OSBPL9: variants seen among roughly 807,000 people sequenced by gnomAD.
OSBPL9 encodes the protein oxysterol binding protein like 9.
A neutral mutation model predicts 106.6 loss-of-function variants in OSBPL9; 40 were observed. The observed-to-expected ratio is 0.38, with a 90% CI of 0.29 to 0.49. The LOEUF is 0.49. Ranked by LOEUF, OSBPL9 falls within the 20% of genes least tolerant of loss-of-function variation. The probability of loss-of-function intolerance (pLI) is 0.97; values close to 1 mark genes in which losing one functional copy is unlikely to be tolerated. For synonymous variants in OSBPL9, 269 were observed against 295.4 expected (o/e 0.91, Z 0.92); for missense variants, 609 against 887.2 (o/e 0.69, Z 3.98).
chr1:51,714,483 G>A (rs945835762), intron 4 of OSBPL9, among the ~76,000 whole-genome samples: 1 of 152,186 alleles, frequency 6.6e-6, no homozygotes, highest in African/African-American at 2.4e-5. Flanking sequence ...GTATGTGTCA[G>A]TTAGTACTCT....
chr1:51,758,228 C>T (rs1400482470), intron 9 of OSBPL9, among the ~76,000 whole-genome samples: 3 of 152,054 alleles, frequency 2.0e-5, no homozygotes, highest in Non-Finnish European at 4.4e-5. Context: ...ATGCATGAAT[C>T]GGATCAGCCT....
intron 2 of OSBPL9, among the ~76,000 whole-genome samples, chr1:51,663,528 T>C (rs1019503682): frequency 1.3e-5 from 2 of 152,226 alleles, no homozygotes; most frequent in Admixed American, 1.3e-4. Flanking sequence ...CTCCACCTGA[T>C]ATCCAAATGT....
Position 51,729,650 on chromosome 1 carries a change from G to A in OSBPL9, c.318+15571G>A, listed in dbSNP as rs893093557. Reference sequence around the variant, plus strand: ...CCTCCCGCGAGCTGCCAGCTCCCTCGGCCTCTCCACCCAAAACTGGCCCAA... The same window carrying A: ...CCTCCCGCGAGCTGCCAGCTCCCTCAGCCTCTCCACCCAAAACTGGCCCAA... On this transcript the variant is annotated intron_variant, in intron 4 of 23. Coordinates refer to ENST00000428468, the MANE Select transcript of OSBPL9 (RefSeq NM_024586.6). This position sits in a 1 kb window ranked among gnomAD's most constrained non-coding sequence, Gnocchi z 5.1. 8 of 319,958 alleles carry A rather than the reference G, an allele frequency of 2.5e-5. No homozygotes were observed. Among genetic ancestry groups the A allele is most frequent in the Admixed American group, 5.3e-5 (1 of 18,756 alleles). The allele number at this position is 319,958 out of a possible 1,614,324, so 19.8% of individuals were successfully genotyped here.
At chr1:51,664,677 G>A (rs1025078502) in intron 2 of OSBPL9, among the ~76,000 whole-genome samples, 1 of 152,046 alleles carries the variant, frequency 6.6e-6, no homozygotes, top group Admixed American at 6.6e-5. Flanking sequence ...TGGCAACAGA[G>A]TAAGACTCTG....
At chr1:51,748,338 T>G in intron 6 of OSBPL9, 31 bp from the exon 7 acceptor site, 4 of 1,513,898 alleles carry the variant, frequency 2.6e-6, no homozygotes, top group Non-Finnish European at 3.5e-6. Flanking sequence ...TGCTTCTGAT[T>G]ATTTCTGTTT....
chr1:51,745,351 A>T, intron 4 of OSBPL9, 185 bp from the exon 5 acceptor site: 1 of 760,950 alleles, frequency 1.3e-6, no homozygotes, highest in Non-Finnish European at 1.9e-6. Flanking sequence ...GCTCCAAGTT[A>T]ATGAGGAAGA....
chr1:51,533,080 A>ATT, the OSBPL9 span, among the ~76,000 whole-genome samples: 3 of 152,208 alleles, frequency 2.0e-5, no homozygotes, highest in South Asian at 6.2e-4. Context: ...ATTTATTAAT[A>ATT]ACTGGAAGCA....
At chr1:51,758,112 T>C (rs1670722967) in intron 9 of OSBPL9, among the ~76,000 whole-genome samples, 1 of 152,148 alleles carries the variant, frequency 6.6e-6, no homozygotes, top group Non-Finnish European at 1.5e-5. Context: ...AGTTATTTTT[T>C]CTATCAAAAA....
chr1:51,529,436 G>C, the OSBPL9 span, among the ~76,000 whole-genome samples: 11 of 151,908 alleles, frequency 7.2e-5, no homozygotes, highest in African/African-American at 2.7e-4. Context: ...GTAGAGACAG[G>C]GTTTCACCGT....
chr1:51,617,046 C>CCCCCAA, upstream of OSBPL9: 1 of 1,544,824 alleles, frequency 6.5e-7, no homozygotes. Flanking sequence ...GCCCCGCCCC[C>CCCCCAA]CGCATGCTGA....
At chr1:51,698,138 T>G (rs1449687569) in intron 3 of OSBPL9, among the ~76,000 whole-genome samples, 1 of 152,124 alleles carries the variant, frequency 6.6e-6, no homozygotes, top group Non-Finnish European at 1.5e-5. Context: ...CTTAGAGAAT[T>G]TAAGTATCTT....
rs2148938804 is a variant in OSBPL9 at position 51,730,201 on chromosome 1, C to T, written c.319-15335C>T. Reference sequence around the variant, plus strand: ...TTCCTCAGCCTAGATGGGGTGGAGGCTGAGGTCAGGGCCTCCAGTTCCACC... The same window carrying T: ...TTCCTCAGCCTAGATGGGGTGGAGGTTGAGGTCAGGGCCTCCAGTTCCACC... On this transcript the variant is annotated intron_variant, in intron 4 of 23. Transcript: ENST00000428468. 2.5e-6 allele frequency: 3 copies of T among 1,222,682 alleles called. No individual in the cohort carries two copies. In the East Asian group the frequency reaches 9.5e-5, roughly 39 times the overall value. The allele number at this position is 1,222,682 out of a possible 1,614,324, so 75.7% of individuals were successfully genotyped here.
chr1:51,671,163 T>TAAA (rs1557668190), intron 3 of OSBPL9, among the ~76,000 whole-genome samples: 2 of 152,232 alleles, frequency 1.3e-5, no homozygotes, highest in African/African-American at 4.8e-5. Flanking sequence ...TCTATTGTAG[T>TAAA]AGTTATGGGA....
chr1:51,737,295 C>A (rs1665908484), intron 4 of OSBPL9, among the ~76,000 whole-genome samples: 1 of 151,796 alleles, frequency 6.6e-6, no homozygotes, highest in South Asian at 2.1e-4. Flanking sequence ...ATGCTTATGA[C>A]CTTGCATGCT....
intron 1 of OSBPL9, among the ~76,000 whole-genome samples, chr1:51,639,828 T>G (rs949464447): frequency 2.9e-5 from 4 of 138,208 alleles, no homozygotes; most frequent in African/African-American, 8.4e-5. Context: ...TTTTTTTTTT[T>G]TTTTTTTTTT....
chr1:51,781,131 C>G, intron 15 of OSBPL9, 33 bp from the exon 16 acceptor site: 2 of 1,603,250 alleles, frequency 1.2e-6, no homozygotes, highest in Non-Finnish European at 1.7e-6. Flanking sequence ...TACCAGAAAG[C>G]AGGACATTAA....
chr1:51,617,367 T>G (rs1366712331), intron 1 of OSBPL9, 146 bp downstream of exon 1: 4 of 794,066 alleles, frequency 5.0e-6, no homozygotes, highest in African/African-American at 1.7e-5. Context: ...GGGGAGGGTT[T>G]TACGTCTCGG....
At chr1:51,768,328 C>A (rs755712416) in intron 12 of OSBPL9, among the ~76,000 whole-genome samples, 5 of 152,156 alleles carry the variant, frequency 3.3e-5, no homozygotes, top group Admixed American at 6.5e-5. Flanking sequence ...ATTCTCCTGC[C>A]TCAGCCTCCT....
At chr1:51,769,301 A>G (rs909527697) in intron 12 of OSBPL9, among the ~76,000 whole-genome samples, 1 of 152,200 alleles carries the variant, frequency 6.6e-6, no homozygotes, top group African/African-American at 2.4e-5. Context: ...CTAAAGACCT[A>G]TACTAATGAT....
Sources: allele counts gnomAD v4.1 joint callset (sites outside exome capture counted in the v4.1 genomes callset), GRCh38; gene constraint gnomAD v4.1.1; non-coding constraint Gnocchi (gnomAD v3.1); transcripts MANE v1.5; gene names NCBI Gene and HGNC (gene_info 2026-07-23, HGNC 2026-07-21).